The following XRCC1 variants were observed in gnomAD, a reference collection of about 807,000 sequenced individuals.
XRCC1 encodes the protein X-ray repair cross complementing 1, also known as DNA repair protein XRCC1.
In XRCC1, 52 loss-of-function variants were observed where a neutral mutation model predicts 83.3. The ratio of observed to expected loss-of-function variants is 0.62; its 90% CI spans 0.50 to 0.79. XRCC1 has a LOEUF of 0.79. XRCC1 is among the 30% of genes least tolerant of loss of function. The pLI, the probability that XRCC1 is intolerant of heterozygous loss-of-function variation, is 0.00. For missense variants in XRCC1, 793 were observed against 823.5 expected (o/e 0.96, Z 0.45); for synonymous variants, 281 against 312.6 (o/e 0.90, Z 1.07).
At chr19:43,544,063 C>T (rs1972483219) in intron 15 of XRCC1, 81 bp downstream of exon 15, 2 of 1,335,688 alleles carry the variant, frequency 1.5e-6, no homozygotes, top group Non-Finnish European at 2.1e-6. Context: ...TTCTTTCCCA[C>T]ACCCCCACCC....
rs1343246685 is a variant in XRCC1, at chr19:43,552,386, C to T, written c.824-111G>A. The T allele has an allele frequency of 2.5e-5, 19 of 754,932 alleles. No homozygotes were observed. The South Asian group carries it at 3.4e-4, about 14-fold the overall frequency. The allele number at this position is 754,932 out of a possible 1,614,324, so 46.8% of individuals were successfully genotyped here. A position where few individuals can be genotyped will look rare whatever the true frequency, so the allele number is the denominator to read the frequency against. The stretch of plus-strand genomic sequence containing the variant: ...CCAGACCCTCCTCCCTCAGACCCAG[C>T]AATCCAGGCCCCAGCCCCTCCCCCC... On this transcript the variant is annotated intron_variant, in intron 8 of 16. Coordinates refer to ENST00000262887, the MANE Select transcript of XRCC1 (RefSeq NM_006297.3).
In XRCC1 at chr19:43,552,026, G is replaced by C; in HGVS notation, c.1073C>G (p.Thr358Arg). The part of the protein sequence containing the change: ...KYRPDWTRDS[T>R]HLICAFANTP... Reference sequence around the variant, plus strand: ...GGGGGCGCAAGCCTACATGAGGTGCGTGCTGTCCCGGGTCCAGTCTGGCCG... The same window carrying C: ...GGGGGCGCAAGCCTACATGAGGTGCCTGCTGTCCCGGGTCCAGTCTGGCCG... The change falls in exon 9 of 17, where the codon ACG becomes AGG. Residue 358 changes from threonine (T) to arginine (R), a missense_variant. Physicochemically the swap from Thr to Arg is moderately conservative, Grantham distance 71. Coordinates refer to ENST00000262887, the MANE Select transcript of XRCC1 (RefSeq NM_006297.3). 2 of 1,614,010 alleles carry C rather than the reference G, an allele frequency of 1.2e-6. No individual in the cohort carries two copies. Among genetic ancestry groups the C allele is most frequent in the Non-Finnish European group, 1.7e-6 (2 of 1,179,920 alleles).
At chr19:43,549,077 T>C (rs1353087882) in intron 10 of XRCC1, among the ~76,000 whole-genome samples, 1 of 152,150 alleles carries the variant, frequency 6.6e-6, no homozygotes. Context: ...GTCACACTCA[T>C]AAAACGGTGC....
intron 10 of XRCC1, among the ~76,000 whole-genome samples, chr19:43,548,395 T>C (rs1223520996): frequency 1.3e-5 from 2 of 152,188 alleles, no homozygotes; most frequent in East Asian, 3.9e-4. Context: ...TAGAAAGAAG[T>C]AGACATGGGA....
intron 15 of XRCC1, 111 bp from the exon 16 acceptor site, chr19:43,543,798 T>C (rs1380335763): frequency 1.0e-6 from 1 of 998,764 alleles, no homozygotes; most frequent in East Asian, 2.5e-5. Flanking sequence ...CCTATGCGCC[T>C]CTAGGTTGCC....
chr19:43,575,432 G>T lies in XRCC1; in HGVS notation c.27C>A (p.Val9=), dbSNP rs758430913. The T allele has an allele frequency of 3.7e-6, 6 of 1,611,986 alleles. No individual in the cohort carries two copies. In the Admixed American group the frequency reaches 1.0e-4, roughly 27 times the overall value. Residue 9 remains valine (V), a synonymous_variant, in exon 1 of 17, where the codon GTC becomes GTA. Coordinates refer to ENST00000262887, the MANE Select transcript of XRCC1 (RefSeq NM_006297.3). Reference sequence around the variant, plus strand: ...CCGAGTCCTGGCTGCTGCAGGACACGACATGGCGGAGGCGGATCTCCGGCA... The same window carrying T: ...CCGAGTCCTGGCTGCTGCAGGACACTACATGGCGGAGGCGGATCTCCGGCA... MPEIRLRH[V]VSCSSQDSTH... is the part of the protein sequence containing the mutation.
chr19:43,572,560 T>C, intron 2 of XRCC1, among the ~76,000 whole-genome samples: 1 of 152,154 alleles, frequency 6.6e-6, no homozygotes, highest in Non-Finnish European at 1.5e-5. Flanking sequence ...TCCCAACATT[T>C]TGGGAGGCCA....
intron 4 of XRCC1, 110 bp from the exon 5 acceptor site, chr19:43,553,793 C>A: frequency 2.2e-6 from 2 of 892,968 alleles, no homozygotes. Flanking sequence ...CTCTCATGAA[C>A]ACCCATGTTG....
chr19:43,552,246 C>T lies in XRCC1; in HGVS notation c.853G>A (p.Ala285Thr). The T allele has an allele frequency of 1.2e-6, 2 of 1,611,266 alleles. No individual in the cohort carries two copies. Among genetic ancestry groups the T allele is most frequent in the Non-Finnish European group, 1.7e-6 (2 of 1,179,084 alleles). ...CCCTGTGCTCGGGCAGGGACTGGGGCTGTGGCTGGGGTACGAGTTGGAGCT... is the reference window on the plus strand; with the variant it reads ...CCCTGTGCTCGGGCAGGGACTGGGGTTGTGGCTGGGGTACGAGTTGGAGCT... ...LPAPTRTPATAPVPARAQGAV... is the reference protein window; with the variant it reads ...LPAPTRTPATTPVPARAQGAV... The change falls in exon 9 of 17, where the codon GCC (alanine) becomes ACC (threonine). Residue 285 changes from alanine to threonine, a missense_variant. Physicochemically the swap from Ala to Thr is moderately conservative, Grantham distance 58. Transcript: ENST00000262887.
chr19:43,547,066 TA>T, intron 10 of XRCC1, 89 bp from the exon 11 acceptor site: 1 of 1,266,432 alleles, frequency 7.9e-7, no homozygotes, highest in Non-Finnish European at 1.1e-6. Context: ...TTTACTAAAA[TA>T]CTCACTCTAG....
chr19:43,545,188 T>C (rs1304794069), intron 14 of XRCC1, among the ~76,000 whole-genome samples: 3 of 152,176 alleles, frequency 2.0e-5, no homozygotes, highest in Admixed American at 6.6e-5. Flanking sequence ...ACGGCTCTTC[T>C]GGAAGCCCCA....
intron 5 of XRCC1, 26 bp from the exon 6 acceptor site, chr19:43,553,538 T>C: frequency 6.2e-7 from 1 of 1,613,708 alleles, no homozygotes; most frequent in South Asian, 1.1e-5. Flanking sequence ...GTCAGTATTA[T>C]AGGTGGGCTG....
In XRCC1 at chr19:43,548,766, C is replaced by CAAAAAAAAAAAAAAAA. The variant is rs60740505; in HGVS notation, c.1200-1805_1200-1790dup. Among the ~76,000 whole-genome samples the CAAAAAAAAAAAAAAAA allele has an allele frequency of 4.0e-3, 258 of 64,436 alleles. 14 individuals carry two copies. Among genetic ancestry groups the CAAAAAAAAAAAAAAAA allele is most frequent in the Middle Eastern group, 0.026 (2 of 78 alleles). The allele number at this position is 64,436 out of a possible 152,430, so 42.3% of individuals were successfully genotyped here. On this transcript the variant is annotated intron_variant, in intron 10 of 16. Transcript: ENST00000262887. ...TCTGTGAGAAACACCCAAGAATGAT[C>CAAAAAAAAAAAAAAAA]AAAAAAAAAAAAAAAAAAAACACAA...
At chr19:43,561,311 G>A (rs1045469874) in intron 2 of XRCC1, among the ~76,000 whole-genome samples, 2 of 152,174 alleles carry the variant, frequency 1.3e-5, no homozygotes, top group African/African-American at 4.8e-5. Flanking sequence ...CACTGCCATA[G>A]AGCTCTCCTT....
At chr19:43,560,707 C>T (rs758988018) in intron 3 of XRCC1, among the ~76,000 whole-genome samples, 16 of 152,218 alleles carry the variant, frequency 1.1e-4, no homozygotes, top group Non-Finnish European at 2.2e-4. Context: ...ATGATCCAAA[C>T]TTGCTCTCTT....
Position 43,575,399 on chromosome 19 carries a change from G to T in XRCC1, c.51+9C>A, listed in dbSNP as rs1174339262. ...ACGTCTTCCAACCTCCCCCATGCAG[G>T]TCCCTCACCGAGTCCTGGCTGCTGC... On this transcript the variant is annotated intron_variant, in intron 1 of 16. Transcript: ENST00000262887. 7.5e-6 allele frequency: 12 copies of T among 1,599,920 alleles called. No homozygotes were observed. The South Asian group carries it at 1.1e-4, about 15-fold the overall frequency.
At chr19:43,567,847 T>C (rs1038705575) in intron 2 of XRCC1, among the ~76,000 whole-genome samples, 1 of 150,386 alleles carries the variant, frequency 6.6e-6, no homozygotes, top group African/African-American at 2.4e-5. Flanking sequence ...GCTAAAAAAC[T>C]GTTTCACATC....
At chr19:43,546,532 G>T (rs545129240) in intron 12 of XRCC1, 63 bp downstream of exon 12, 13 of 1,460,386 alleles carry the variant, frequency 8.9e-6, no homozygotes, top group Non-Finnish European at 1.2e-5. Context: ...AGCCCAGGCC[G>T]CAGGCCCTCC....
At chr19:43,554,869 G>C in intron 3 of XRCC1, 65 bp from the exon 4 acceptor site, 1 of 1,548,368 alleles carries the variant, frequency 6.5e-7, no homozygotes, top group Non-Finnish European at 8.8e-7. Context: ...AGCTTCTAGG[G>C]GCTGGGGAAG....
Sources: gnomAD v4.1 joint callset for allele counts (sites outside exome capture counted in the v4.1 genomes callset) on GRCh38, gnomAD v4.1.1 for gene constraint, MANE v1.5 for transcripts, NCBI Gene and HGNC (gene_info 2026-07-23, HGNC 2026-07-21) for gene names.